The following SARS1 variants were observed in gnomAD, a reference collection of about 807,000 sequenced individuals.
SARS1 encodes seryl-tRNA synthetase 1.
Under a neutral mutation model 63.7 loss-of-function variants are expected in SARS1, and 25 were observed. The ratio of observed to expected loss-of-function variants is 0.39; its 90% CI spans 0.29 to 0.55. The LOEUF is 0.55. SARS1 is among the 20% of genes least tolerant of loss of function. The pLI is 0.62. For synonymous variants in SARS1, 231 were observed against 243.5 expected (o/e 0.95, Z 0.48); for missense variants, 417 against 649.7 (o/e 0.64, Z 3.89).
At chr1:109,236,925 C>T in intron 9 of SARS1, 2 of 1,538,844 alleles carry the variant, frequency 1.3e-6, no homozygotes, top group Non-Finnish European at 1.7e-6. Context: ...TACTCTTTTC[C>T]AAGTCAGGTG....
intron 2 of SARS1, 40 bp downstream of exon 2, chr1:109,224,088 C>T (rs746455295): frequency 3.5e-5 from 51 of 1,438,802 alleles, no homozygotes; most frequent in Middle Eastern, 3.5e-4. Flanking sequence ...AGAACTTGAG[C>T]GGAGATATTT....
chr1:109,218,557 G>A (rs1261866433), intron 1 of SARS1, among the ~76,000 whole-genome samples: 1 of 152,072 alleles, frequency 6.6e-6, no homozygotes, highest in Non-Finnish European at 1.5e-5. Context: ...CAGCCTTAAA[G>A]CATAAAAATC....
In SARS1 at chr1:109,214,587, C is replaced by A; in HGVS notation, c.136+459C>A. On this transcript the variant is annotated intron_variant, in intron 1 of 10. Transcript: ENST00000234677. The surrounding 1 kb of genome is among the most constrained non-coding windows in gnomAD (Gnocchi z 4.6). ...CTGAGACTGCGTCACTTCTGCAACACAGTAGATTCATTCCTTCGGTATCGG... is the reference window on the plus strand; with the variant it reads ...CTGAGACTGCGTCACTTCTGCAACAAAGTAGATTCATTCCTTCGGTATCGG... 1.0e-6 allele frequency: 1 copy of A among 986,944 alleles called. No individual in the cohort carries two copies. Among genetic ancestry groups the A allele is most frequent in the Non-Finnish European group, 1.2e-6 (1 of 830,828 alleles). The allele number at this position is 986,944 out of a possible 1,614,324, so 61.1% of individuals were successfully genotyped here. A position where few individuals can be genotyped will look rare whatever the true frequency, so the allele number is the denominator to read the frequency against.
intron 6 of SARS1, among the ~76,000 whole-genome samples, chr1:109,234,828 T>A (rs1655276618): frequency 6.6e-6 from 1 of 152,108 alleles, no homozygotes; most frequent in South Asian, 2.1e-4. Flanking sequence ...TAGCTGAGCG[T>A]GGTGGCGCGT....
Position 109,238,150 on chromosome 1 carries a change from G to A in SARS1, c.*262G>A, listed in dbSNP as rs540131407. ...GGACTCTTCCTCAGTCTTCTTCCCC[G>A]GGCTTGAACCCCGCCTCTGAGGTTC... On this transcript the variant is annotated 3_prime_UTR_variant, in exon 11 of 11. Coordinates refer to ENST00000234677, the MANE Select transcript of SARS1 (RefSeq NM_006513.4). The A allele has an allele frequency of 3.2e-4, 149 of 469,730 alleles. 1 individual carries two copies. In the South Asian group the frequency reaches 4.9e-3, roughly 16 times the overall value. The allele number at this position is 469,730 out of a possible 1,614,324, so 29.1% of individuals were successfully genotyped here. A position where few individuals can be genotyped will look rare whatever the true frequency, so the allele number is the denominator to read the frequency against.
At chr1:109,226,660 A>AT (rs1284084943) in intron 2 of SARS1, among the ~76,000 whole-genome samples, 18 of 74,432 alleles carry the variant, frequency 2.4e-4, no homozygotes, top group South Asian at 9.9e-4. Context: ...TGCCTGGCTA[A>AT]TTTAAAAAAA....
chr1:109,216,665 C>CAAATT, intron 1 of SARS1: 2 of 869,766 alleles, frequency 2.3e-6, no homozygotes, highest in Non-Finnish European at 2.8e-6. Flanking sequence ...GACAAGGTCT[C>CAAATT]ACTGTGTCAC....
chr1:109,237,167 AATGG>A lies in SARS1; in HGVS notation c.1258-72_1258-69del, dbSNP rs1379748879. 9.1e-6 allele frequency: 14 copies of A among 1,542,438 alleles called. No homozygotes were observed. Among genetic ancestry groups the A allele is most frequent in the Non-Finnish European group, 1.2e-5 (14 of 1,148,504 alleles). On this transcript the variant is annotated intron_variant, in intron 9 of 10. Coordinates refer to ENST00000234677, the MANE Select transcript of SARS1 (RefSeq NM_006513.4). The surrounding 1 kb of genome is among the most constrained non-coding windows in gnomAD (Gnocchi z 4.1). ...AGTTGTGGTTGGGGAAGTCTGGTTGAATGGATGGTTCCTGGCCGTCAGTAAGACC... is the reference window on the plus strand; with the variant it reads ...AGTTGTGGTTGGGGAAGTCTGGTTGAATGGTTCCTGGCCGTCAGTAAGACC...
rs567358744 is a variant in SARS1 at position 109,216,529 on chromosome 1, C to T, written c.136+2401C>T. On this transcript the variant is annotated intron_variant, in intron 1 of 10. Transcript: ENST00000234677. ...CCAAAGCAAATAGATTTCCATGTAA[C>T]TGGAAATCTGCTGCAAACCCCAAGA... is the stretch of plus-strand genomic sequence containing the variant. 5 of 984,892 alleles carry T rather than the reference C, an allele frequency of 5.1e-6. 1 individual carries two copies. The South Asian group carries it at 2.3e-4, about 46-fold the overall frequency. The allele number at this position is 984,892 out of a possible 1,614,324, so 61.0% of individuals were successfully genotyped here. A position where few individuals can be genotyped will look rare whatever the true frequency, so the allele number is the denominator to read the frequency against.
Position 109,229,405 on chromosome 1 carries a change from C to A in SARS1, c.289-9C>A. 1 of 1,613,462 alleles carries A rather than the reference C, an allele frequency of 6.2e-7. No individual in the cohort carries two copies. Among genetic ancestry groups the A allele is most frequent in the South Asian group, 1.1e-5 (1 of 90,936 alleles). On this transcript the variant is annotated splice_polypyrimidine_tract_variant and intron_variant, in intron 3 of 10. Transcript: ENST00000234677. ...GTCCTGCTTATGGGCCTGGCCTGTT[C>A]ATCTGCAGAACCTGAAAGTCTCACA...
chr1:109,227,636 T>C (rs1464240480), intron 2 of SARS1, among the ~76,000 whole-genome samples: 3 of 152,016 alleles, frequency 2.0e-5, no homozygotes, highest in African/African-American at 7.2e-5. Flanking sequence ...GTGCAGTGGC[T>C]CACGCCTATA....
intron 2 of SARS1, among the ~76,000 whole-genome samples, chr1:109,227,426 C>G (rs978358459): frequency 1.3e-5 from 2 of 152,152 alleles, no homozygotes; most frequent in Non-Finnish European, 2.9e-5. Flanking sequence ...CTAGAGAGAA[C>G]GAAATCCAAC....
rs368461647 is a variant in SARS1 at position 109,237,892 on chromosome 1, T to G, written c.*4T>G. 3.7e-5 allele frequency: 60 copies of G among 1,613,824 alleles called. No individual in the cohort carries two copies. The African/African-American group carries it at 6.7e-4, about 18-fold the overall frequency. ...CATGGAGGTCACCGATGCTTGAACA[T>G]TCCTGCCTCCCTATTTGCCAGGCTT... On this transcript the variant is annotated 3_prime_UTR_variant, in exon 11 of 11. Transcript: ENST00000234677. The surrounding 1 kb of genome is among the most constrained non-coding windows in gnomAD (Gnocchi z 4.1).
rs770711538 is a variant in SARS1 at position 109,229,522 on chromosome 1, C to G, written c.397C>G (p.Arg133Gly). The change falls in exon 4 of 11, where the codon CGA becomes GGA. Residue 133 changes from arginine to glycine, a missense_variant. Physicochemically the swap from Arg to Gly is moderately radical, Grantham distance 125. Coordinates refer to ENST00000234677, the MANE Select transcript of SARS1 (RefSeq NM_006513.4). ...GGAAGCAGAGCGGTTTGAGAACCTCCGAGAGATTGGGAACCTTCTGCACCC... is the reference window on the plus strand; with the variant it reads ...GGAAGCAGAGCGGTTTGAGAACCTCGGAGAGATTGGGAACCTTCTGCACCC... ...KLEAERFENL[R>G]EIGNLLHPSV... 1.2e-6 allele frequency: 2 copies of G among 1,614,186 alleles called. No individual in the cohort carries two copies. Among genetic ancestry groups the G allele is most frequent in the Non-Finnish European group, 8.5e-7 (1 of 1,180,034 alleles).
chr1:109,232,431 A>C (rs1655229197), intron 6 of SARS1, among the ~76,000 whole-genome samples: 1 of 152,218 alleles, frequency 6.6e-6, no homozygotes, highest in African/African-American at 2.4e-5. Context: ...AGTGTCTACT[A>C]TTCATTTGTC....
At chr1:109,233,564 C>A (rs1428097718) in intron 6 of SARS1, among the ~76,000 whole-genome samples, 1 of 151,698 alleles carries the variant, frequency 6.6e-6, no homozygotes, top group Non-Finnish European at 1.5e-5. Flanking sequence ...TCCCATTGAC[C>A]TAATATAACA....
Position 109,235,287 on chromosome 1 carries a change from C to T in SARS1, c.825C>T (p.Pro275=), listed in dbSNP as rs1347730718. Residue 275 remains proline (P), a synonymous_variant, in exon 7 of 11, where the codon CCC becomes CCT. Coordinates refer to ENST00000234677, the MANE Select transcript of SARS1 (RefSeq NM_006513.4). This position sits in a 1 kb window ranked among gnomAD's most constrained non-coding sequence, Gnocchi z 4.7. ...ACCTGATTGCCACCTCAGAGCAGCC[C>T]ATTGCTGCCCTGCACCGGGATGAGT... ...EKYLIATSEQ[P]IAALHRDEWL... is the part of the protein sequence containing the mutation. 6.2e-7 allele frequency: 1 copy of T among 1,613,990 alleles called. No individual in the cohort carries two copies. The highest frequency in any genetic ancestry group is 8.5e-7 in the Non-Finnish European group (1 of 1,179,978).
At chr1:109,230,816 AAT>A in intron 4 of SARS1, 60 bp from the exon 5 acceptor site, 12 of 1,477,474 alleles carry the variant, frequency 8.1e-6, no homozygotes, top group East Asian at 2.5e-5. Context: ...AAAAAAAAAA[AAT>A]AATTTAAAAA....
intron 5 of SARS1, 67 bp downstream of exon 5, chr1:109,231,088 T>TG: frequency 2.1e-6 from 2 of 961,928 alleles, no homozygotes; most frequent in Non-Finnish European, 2.7e-6. Flanking sequence ...TATATATTTT[T>TG]TTTTTTTTTT....
Sources: gnomAD v4.1 joint callset for allele counts (sites outside exome capture counted in the v4.1 genomes callset) on GRCh38, gnomAD v4.1.1 for gene constraint, Gnocchi (gnomAD v3.1) non-coding constraint, MANE v1.5 for transcripts, NCBI Gene and HGNC (gene_info 2026-07-23, HGNC 2026-07-21) for gene names.